VSTM4: variants seen among roughly 807,000 people sequenced by gnomAD.
VSTM4 encodes V-set and transmembrane domain-containing protein 4.
In VSTM4, 20 loss-of-function variants were observed where a neutral mutation model predicts 36.4. The ratio of observed to expected loss-of-function variants is 0.55; its 90% CI spans 0.39 to 0.80. The LOEUF (loss-of-function observed/expected upper bound fraction) is 0.80. Among genes scored for constraint, VSTM4 ranks in the 30% least tolerant of loss-of-function variants. The probability of loss-of-function intolerance (pLI) is 0.00; values close to 1 mark genes in which losing one functional copy is unlikely to be tolerated. For missense variants in VSTM4, 392 were observed against 404.5 expected, an observed-to-expected ratio of 0.97 and a Z score of 0.26; for synonymous variants, 182 against 173.9, an observed-to-expected ratio of 1.05 and a Z score of -0.37.
At chr10:49,046,915 A>G in intron 7 of VSTM4, 68 bp downstream of exon 7, 1 of 1,459,930 alleles carries the variant, frequency 6.8e-7, no homozygotes, top group Non-Finnish European at 9.6e-7. Flanking sequence ...TAATAAAGGC[A>G]CTGTTTTGGA....
chr10:49,048,628 T>C (rs1490751172), intron 5 of VSTM4, 44 bp from the exon 6 acceptor site: 1 of 1,534,642 alleles, frequency 6.5e-7, no homozygotes. Context: ...GCAGATTTGT[T>C]GCAAAAGAGA....
chr10:49,100,853 T>C (rs1043342331), intron 2 of VSTM4, among the ~76,000 whole-genome samples: 2 of 152,176 alleles, frequency 1.3e-5, no homozygotes, highest in Non-Finnish European at 2.9e-5. Flanking sequence ...AATAGTGCTA[T>C]ATTGGTGAAG....
At chr10:49,082,445 C>A (rs1410490523) in intron 3 of VSTM4, among the ~76,000 whole-genome samples, 2 of 152,210 alleles carry the variant, frequency 1.3e-5, no homozygotes, top group African/African-American at 2.4e-5. Flanking sequence ...AGACCAATCA[C>A]CTGAGGTCGG....
chr10:49,108,092 G>A (rs1844823936), intron 1 of VSTM4, 97 bp from the exon 2 acceptor site: 6 of 1,418,634 alleles, frequency 4.2e-6, no homozygotes, highest in African/African-American at 1.4e-5. Flanking sequence ...TCCACGCACT[G>A]GGCATCCTAG....
In VSTM4 at chr10:49,077,244, A is replaced by G. The variant is rs1844195399; in HGVS notation, c.609T>C (p.Ser203=). 3 of 1,614,166 alleles carry G rather than the reference A, an allele frequency of 1.9e-6. No individual in the cohort carries two copies. Among genetic ancestry groups the G allele is most frequent in the Non-Finnish European group, 2.5e-6 (3 of 1,180,040 alleles). Residue 203 remains serine, a synonymous_variant, in exon 4 of 8, where the codon TCT becomes TCC. Transcript: ENST00000332853. ...LLFMLVIVWQ[S]VFNKRKSRVR... ...CTCTGGATTTCCGCTTGTTAAACAC[A>G]GACTGCCAGACGATGACCAGCATGA...
At chr10:49,043,928 T>A (rs1052059453) in intron 7 of VSTM4, among the ~76,000 whole-genome samples, 1 of 152,254 alleles carries the variant, frequency 6.6e-6, no homozygotes, top group African/African-American at 2.4e-5. Context: ...TATTTGTATA[T>A]CTTCTTTTGT....
intron 7 of VSTM4, among the ~76,000 whole-genome samples, chr10:49,042,187 G>C (rs1213096077): frequency 6.6e-6 from 1 of 152,144 alleles, no homozygotes. Flanking sequence ...CAAGGCCAAG[G>C]GAAATTGATT....
At chr10:49,045,743 G>A (rs1347272899) in intron 7 of VSTM4, among the ~76,000 whole-genome samples, 3 of 152,152 alleles carry the variant, frequency 2.0e-5, no homozygotes, top group African/African-American at 7.2e-5. Context: ...CCTTAACCAC[G>A]TGATTGAGAT....
chr10:49,115,419 C>G lies in VSTM4; in HGVS notation c.55+12G>C. 9.7e-7 allele frequency: 1 copy of G among 1,034,414 alleles called. No homozygotes were observed. Among genetic ancestry groups the G allele is most frequent in the Non-Finnish European group, 1.2e-6 (1 of 859,810 alleles). The allele number at this position is 1,034,414 out of a possible 1,614,324, so 64.1% of individuals were successfully genotyped here. On this transcript the variant is annotated intron_variant, in intron 1 of 7. Transcript: ENST00000332853. ...CACCCTTCCCGCTCCCGCCTGGCCCCGCCGCGCTTACCCGGAGCCGGAGCC... is the reference window on the plus strand; with the variant it reads ...CACCCTTCCCGCTCCCGCCTGGCCCGGCCGCGCTTACCCGGAGCCGGAGCC...
intron 5 of VSTM4, among the ~76,000 whole-genome samples, chr10:49,057,356 G>T (rs1843798856): frequency 6.6e-6 from 1 of 152,172 alleles, no homozygotes; most frequent in Admixed American, 6.5e-5. Context: ...CATAAATCCA[G>T]TAAAGAGCTG....
chr10:49,072,771 G>C (rs138784617), intron 4 of VSTM4, among the ~76,000 whole-genome samples: 10 of 152,302 alleles, frequency 6.6e-5, no homozygotes, highest in African/African-American at 2.4e-4. Context: ...TCAGAGGCAG[G>C]CCCCAGGGCT....
At chr10:49,038,697 C>T (rs1428366930) in intron 7 of VSTM4, among the ~76,000 whole-genome samples, 5 of 152,092 alleles carry the variant, frequency 3.3e-5, no homozygotes, top group Admixed American at 2.0e-4. Context: ...CCATGAGCTC[C>T]GTGTGTGCTT....
intron 7 of VSTM4, among the ~76,000 whole-genome samples, chr10:49,035,843 AT>A (rs1240819608): frequency 6.6e-6 from 1 of 152,162 alleles, no homozygotes; most frequent in Non-Finnish European, 1.5e-5. Context: ...ATCAAAAAAA[AT>A]AATAAATAAA....
At chr10:49,021,146 T>C (rs575305303) in intron 7 of VSTM4, among the ~76,000 whole-genome samples, 1 of 150,422 alleles carries the variant, frequency 6.6e-6, no homozygotes, top group South Asian at 2.1e-4. Context: ...ATATTAACAA[T>C]TAAACCTAAA....
Position 49,107,358 on chromosome 10 carries a change from G to A in VSTM4, c.457+236C>T, listed in dbSNP as rs113250175. On this transcript the variant is annotated intron_variant, in intron 2 of 7. Coordinates refer to ENST00000332853, the MANE Select transcript of VSTM4 (RefSeq NM_001031746.5). ...AGAGATTGGGCTGGGCCATGTTGGG[G>A]CAGGCACTTGGTCCTTTCTGTTCTC... Among the ~76,000 whole-genome samples the A allele has an allele frequency of 2.8e-3, 429 of 152,382 alleles. 2 individuals carry two copies. Among genetic ancestry groups the A allele is most frequent in the African/African-American group, 9.6e-3 (401 of 41,590 alleles).
intron 4 of VSTM4, among the ~76,000 whole-genome samples, chr10:49,076,441 G>T (rs1292445280): frequency 6.6e-6 from 1 of 152,162 alleles, no homozygotes; most frequent in Non-Finnish European, 1.5e-5. Context: ...TGGAACCGGA[G>T]TCGGTCCATT....
chr10:49,099,770 A>C (rs991413285), intron 2 of VSTM4, among the ~76,000 whole-genome samples: 1 of 152,260 alleles, frequency 6.6e-6, no homozygotes, highest in Non-Finnish European at 1.5e-5. Flanking sequence ...TCTGTGAATA[A>C]GCCAGGCATG....
intron 6 of VSTM4, among the ~76,000 whole-genome samples, chr10:49,047,805 C>T (rs190030339): frequency 2.0e-5 from 3 of 152,334 alleles, no homozygotes; most frequent in African/African-American, 4.8e-5. Context: ...GCAAAGCCCG[C>T]AGTTGAGGAA....
intron 2 of VSTM4, among the ~76,000 whole-genome samples, chr10:49,101,514 A>G (rs1355644928): frequency 1.3e-5 from 2 of 152,256 alleles, no homozygotes; most frequent in Non-Finnish European, 2.9e-5. Flanking sequence ...ATTAAATTGC[A>G]CTGTATTGTA....
Sources: allele counts gnomAD v4.1 joint callset (sites outside exome capture counted in the v4.1 genomes callset), GRCh38; gene constraint gnomAD v4.1.1; transcripts MANE v1.5; gene names NCBI Gene and HGNC (gene_info 2026-07-23, HGNC 2026-07-21).